The following FAM167A variants were observed in gnomAD, a reference collection of about 807,000 sequenced individuals.
FAM167A encodes the protein family with sequence similarity 167 member A.
FAM167A carries 23 observed loss-of-function variants against 14.9 expected under a neutral mutation model. The ratio of observed to expected loss-of-function variants is 1.55; its 90% CI spans 1.11 to 2.19. The LOEUF (loss-of-function observed/expected upper bound fraction) is 2.19. Ranked by LOEUF, FAM167A falls within the 30% of genes most tolerant of loss-of-function variation. The probability of loss-of-function intolerance (pLI) is 0.00; values close to 1 mark genes in which losing one functional copy is unlikely to be tolerated. For missense variants in FAM167A, 401 were observed against 281.5 expected (o/e 1.42, Z -3.04); for synonymous variants, 174 against 117.7 (o/e 1.48, Z -3.10).
At position 11,442,007 on chromosome 8, in the gene FAM167A, G is replaced by A. The variant is rs138631836; in HGVS notation, c.381+2024C>T. ...GCACAGGGAAGTGGCTAGAGGAGCG[G>A]AAACAGTGCAAATATAAAGCACTTT... On this transcript the variant is annotated intron_variant, in intron 2 of 2. Transcript: ENST00000284486. Among the ~76,000 whole-genome samples the A allele has an allele frequency of 9.3e-3, 1,418 of 152,338 alleles. 6 individuals are homozygous for A. Among genetic ancestry groups the A allele is most frequent in the Non-Finnish European group, 0.015 (1,020 of 68,036 alleles).
chr8:11,447,826 A>G lies in FAM167A; in HGVS notation c.-397-3018T>C, dbSNP rs1015179119. Among the ~76,000 whole-genome samples the G allele has an allele frequency of 2.6e-5, 4 of 152,228 alleles. No homozygotes were observed. The South Asian group carries it at 6.2e-4, about 24-fold the overall frequency. On this transcript the variant is annotated intron_variant, in intron 1 of 2. Transcript: ENST00000284486. Reference sequence around the variant, plus strand: ...GGGCCTCTGTGTCCTCTTCTGAGAAATGAGAACAACCGGAACGACTACATA... The same window carrying G: ...GGGCCTCTGTGTCCTCTTCTGAGAAGTGAGAACAACCGGAACGACTACATA...
intron 2 of FAM167A, among the ~76,000 whole-genome samples, chr8:11,428,010 G>C (rs1043343563): frequency 7.2e-5 from 11 of 152,238 alleles, no homozygotes; most frequent in Non-Finnish European, 1.5e-4. Flanking sequence ...CTGCCTGAAA[G>C]ATATTGTCTG....
At chr8:11,425,928 T>TGG (rs1805110584) in intron 2 of FAM167A, among the ~76,000 whole-genome samples, 1 of 152,206 alleles carries the variant, frequency 6.6e-6, no homozygotes, top group African/African-American at 2.4e-5. Flanking sequence ...TTTCCATTAA[T>TGG]GCAATCAAGC....
chr8:11,448,763 G>T (rs4841533), intron 1 of FAM167A, among the ~76,000 whole-genome samples: 76,030 of 152,026 alleles, frequency 0.5, 19,698 homozygotes, highest in East Asian at 0.66. Context: ...TCGGGGTGTT[G>T]GAGAGACTCC....
intron 2 of FAM167A, among the ~76,000 whole-genome samples, chr8:11,440,577 T>A (rs1461450758): frequency 6.6e-6 from 1 of 152,202 alleles, no homozygotes; most frequent in Admixed American, 6.5e-5. Flanking sequence ...GAGGTGACAT[T>A]GACCACTGCC....
chr8:11,445,864 G>C (rs73663146), intron 1 of FAM167A, among the ~76,000 whole-genome samples: 6,114 of 152,070 alleles, frequency 0.04, 225 homozygotes, highest in African/African-American at 0.091. Context: ...CTATAAAAAA[G>C]AATGAATTGA....
At chr8:11,451,150 G>C (rs1291075400) in intron 1 of FAM167A, among the ~76,000 whole-genome samples, 1 of 152,224 alleles carries the variant, frequency 6.6e-6, no homozygotes, top group Non-Finnish European at 1.5e-5. Flanking sequence ...TGAAGTTTTG[G>C]TGTCAGAACC....
intron 1 of FAM167A, among the ~76,000 whole-genome samples, chr8:11,466,095 G>A (rs558690238): frequency 6.6e-6 from 1 of 152,276 alleles, no homozygotes; most frequent in East Asian, 1.9e-4. Context: ...CATTCCCGGG[G>A]GCCCCTGCGG....
intron 1 of FAM167A, among the ~76,000 whole-genome samples, chr8:11,458,796 CAGAA>C (rs1019685947): frequency 1.3e-5 from 2 of 150,242 alleles, no homozygotes; most frequent in Non-Finnish European, 2.9e-5. Flanking sequence ...AAAAAAAAAA[CAGAA>C]AGAGAGAGAA....
chr8:11,441,999 G>A (rs1806468823), intron 2 of FAM167A, among the ~76,000 whole-genome samples: 1 of 152,258 alleles, frequency 6.6e-6, no homozygotes, highest in African/African-American at 2.4e-5. Flanking sequence ...GAAGTGGCTA[G>A]AGGAGCGGAA....
In FAM167A at chr8:11,422,841, G is replaced by A. The variant is rs925691484; in HGVS notation, c.*1532C>T. 7.2e-5 allele frequency: 11 copies of A among 152,558 alleles called. No individual in the cohort carries two copies. Among genetic ancestry groups the A allele is most frequent in the African/African-American group, 2.2e-4 (9 of 41,422 alleles). The allele number at this position is 152,558 out of a possible 1,614,324, so 9.5% of individuals were successfully genotyped here. A position where few individuals can be genotyped will look rare whatever the true frequency, so the allele number is the denominator to read the frequency against. On this transcript the variant is annotated 3_prime_UTR_variant, in exon 3 of 3. Coordinates refer to ENST00000284486, the MANE Select transcript of FAM167A (RefSeq NM_053279.3). The stretch of plus-strand genomic sequence containing the variant: ...CATGGGACAGTGATTAGTGACACAT[G>A]CCCTGTGGGGCCACTGTCAGTGCCT...
upstream of FAM167A, among the ~76,000 whole-genome samples, chr8:11,471,296 C>A (rs779935307): frequency 5.3e-5 from 8 of 152,186 alleles, no homozygotes; most frequent in Non-Finnish European, 1.0e-4. Flanking sequence ...AAGGGCACAG[C>A]TGCAGGGCTC....
rs541697923 is a variant in FAM167A, at chr8:11,457,352, A to C, written c.-398+9274T>G. 3.3e-5 allele frequency among the ~76,000 whole-genome samples: 5 copies of C among 151,860 alleles called. No individual in the cohort carries two copies. In the South Asian group the frequency reaches 6.2e-4, roughly 19 times the overall value. ...GTGAGAACTCGGCAGTCTCTTCTGA[A>C]GGACATTGATGCTGTGCCACAATGT... On this transcript the variant is annotated intron_variant, in intron 1 of 2. Coordinates refer to ENST00000284486, the MANE Select transcript of FAM167A (RefSeq NM_053279.3).
intron 2 of FAM167A, among the ~76,000 whole-genome samples, chr8:11,440,263 A>G (rs905944709): frequency 6.6e-6 from 1 of 152,204 alleles, no homozygotes; most frequent in African/African-American, 2.4e-5. Context: ...GGGGAGCCCA[A>G]GGTCAGGCCG....
At chr8:11,431,990 T>A (rs1304901941) in intron 2 of FAM167A, among the ~76,000 whole-genome samples, 1 of 151,812 alleles carries the variant, frequency 6.6e-6, no homozygotes, top group African/African-American at 2.4e-5. Context: ...GGTTTCATGC[T>A]GTCCCTGGCA....
At position 11,422,373 on chromosome 8, in the gene FAM167A, G is replaced by GGTGTGTGT. The variant is rs57215593; in HGVS notation, c.*1992_*1999dup. 4.9e-3 allele frequency: 587 copies of GGTGTGTGT among 120,328 alleles called. 3 individuals carry two copies. Among genetic ancestry groups the GGTGTGTGT allele is most frequent in the Non-Finnish European group, 8.3e-3 (461 of 55,320 alleles). The allele number at this position is 120,328 out of a possible 1,614,324, so 7.5% of individuals were successfully genotyped here. ...TCTCTGTCGTGTGTGTGTGTGTGGG[G>GGTGTGTGT]GTGTGTGTGTGTGTGTGTGTGTGTG... On this transcript the variant is annotated 3_prime_UTR_variant, in exon 3 of 3. Transcript: ENST00000284486.
intron 1 of FAM167A, among the ~76,000 whole-genome samples, chr8:11,456,030 G>C (rs1371577481): frequency 7.4e-6 from 1 of 135,784 alleles, no homozygotes; most frequent in Non-Finnish European, 1.6e-5. Context: ...GCCCTGCTGG[G>C]TATGAGTGTG....
At chr8:11,466,308 T>C (rs1807763269) in intron 1 of FAM167A, among the ~76,000 whole-genome samples, 1 of 151,886 alleles carries the variant, frequency 6.6e-6, no homozygotes, top group East Asian at 1.9e-4. Context: ...AGTGCGGCCC[T>C]CCCTCTCAGA....
chr8:11,430,666 G>A (rs1805519612), intron 2 of FAM167A, among the ~76,000 whole-genome samples: 1 of 152,146 alleles, frequency 6.6e-6, no homozygotes. Context: ...CCCAAGAGCA[G>A]GATTAAGTCA....
Sources: allele counts gnomAD v4.1 joint callset (sites outside exome capture counted in the v4.1 genomes callset), GRCh38; gene constraint gnomAD v4.1.1; transcripts MANE v1.5; gene names NCBI Gene and HGNC (gene_info 2026-07-23, HGNC 2026-07-21).